FOXN3: variants seen among roughly 807,000 people sequenced by gnomAD.
The protein encoded by FOXN3 is forkhead box N3.
In FOXN3, 7 loss-of-function variants were observed where a neutral mutation model predicts 38.4. The observed-to-expected ratio is 0.18, with a 90% confidence interval of 0.10 to 0.34. The LOEUF (loss-of-function observed/expected upper bound fraction) is 0.34, where lower values mean the gene tolerates loss of function less well. FOXN3 is among the 10% of genes least tolerant of loss of function. FOXN3 has a pLI of 1.00. For missense variants in FOXN3, 456 were observed against 613.4 expected (o/e 0.74, Z 2.71); for synonymous variants, 230 against 242.2 (o/e 0.95, Z 0.47).
At chr14:89,383,491 A>G (rs993092016) in intron 2 of FOXN3, among the ~76,000 whole-genome samples, 1 of 152,218 alleles carries the variant, frequency 6.6e-6, no homozygotes, top group Non-Finnish European at 1.5e-5. Context: ...GGTGGCTTAA[A>G]TCAACAGAAA....
intron 2 of FOXN3, among the ~76,000 whole-genome samples, chr14:89,404,503 T>TAA (rs1246754293): frequency 1.1e-4 from 2 of 18,772 alleles, no homozygotes; most frequent in Admixed American, 1.2e-3. Flanking sequence ...AGACTCTGTC[T>TAA]CAAAAAAAAA....
intron 1 of FOXN3, among the ~76,000 whole-genome samples, chr14:89,443,793 TGAGGTCGG>T (rs1056387596): frequency 2.6e-5 from 4 of 152,020 alleles, no homozygotes; most frequent in Non-Finnish European, 4.4e-5. Flanking sequence ...GCGGGTCACC[TGAGGTCGG>T]GAGTTCAAGA....
rs1004467913 is a variant in FOXN3, at chr14:89,594,577, T to C, written c.-15+24451A>G. Among the ~76,000 whole-genome samples the C allele has an allele frequency of 9.2e-5, 14 of 152,260 alleles. No individual in the cohort carries two copies. In the South Asian group the frequency reaches 1.4e-3, roughly 16 times the overall value. On this transcript the variant is annotated intron_variant, in intron 1 of 6. Coordinates refer to the FOXN3 transcript ENST00000345097. Reference sequence around the variant, plus strand: ...ACGGGGCTATTTTGTTTTTCTTGAATTGATTTGTAGGAATTCTTTGCATAT... The same window carrying C: ...ACGGGGCTATTTTGTTTTTCTTGAACTGATTTGTAGGAATTCTTTGCATAT...
At chr14:89,328,529 C>T (rs1888144425) in intron 3 of FOXN3, among the ~76,000 whole-genome samples, 2 of 152,092 alleles carry the variant, frequency 1.3e-5, no homozygotes, top group African/African-American at 4.8e-5. Context: ...ACATTCCCAA[C>T]AGCAGCCCTG....
At chr14:89,521,652 T>C (rs766122555) in intron 1 of FOXN3, among the ~76,000 whole-genome samples, 1 of 152,028 alleles carries the variant, frequency 6.6e-6, no homozygotes, top group African/African-American at 2.4e-5. Flanking sequence ...ATTTTCATGT[T>C]TAAGAAACTC....
intron 1 of FOXN3, among the ~76,000 whole-genome samples, chr14:89,520,773 A>G (rs1403353032): frequency 2.0e-5 from 3 of 152,212 alleles, no homozygotes; most frequent in Non-Finnish European, 2.9e-5. Context: ...ATATAAAGAA[A>G]TAAGAAAATA....
At chr14:89,359,802 G>T (rs974372376) in intron 2 of FOXN3, among the ~76,000 whole-genome samples, 1 of 152,220 alleles carries the variant, frequency 6.6e-6, no homozygotes, top group Non-Finnish European at 1.5e-5. Flanking sequence ...CAGGGCAACA[G>T]CCTGACTTAG....
At chr14:89,225,093 C>T (rs1884590265) in intron 4 of FOXN3, among the ~76,000 whole-genome samples, 1 of 148,812 alleles carries the variant, frequency 6.7e-6, no homozygotes, top group South Asian at 2.1e-4. Context: ...TGTGCCACTG[C>T]ACTCCAGCCT....
chr14:89,312,103 G>T (rs1596174512), intron 3 of FOXN3, among the ~76,000 whole-genome samples: 1 of 151,692 alleles, frequency 6.6e-6, no homozygotes, highest in East Asian at 1.9e-4. Flanking sequence ...TGGCCAACAT[G>T]GTGAAACCCC....
At chr14:89,246,622 C>T (rs1885307940) in intron 4 of FOXN3, among the ~76,000 whole-genome samples, 2 of 145,702 alleles carry the variant, frequency 1.4e-5, no homozygotes, top group East Asian at 2.0e-4. Context: ...TCACTGCAAC[C>T]TCTGCCTCCT....
At chr14:89,521,026 T>G (rs1894305719) in intron 1 of FOXN3, among the ~76,000 whole-genome samples, 1 of 152,144 alleles carries the variant, frequency 6.6e-6, no homozygotes. Context: ...TTTAAGAGAA[T>G]GGTGAGGCTG....
In FOXN3 at chr14:89,158,684, A is replaced by C. The variant is rs901327780; in HGVS notation, c.*3730T>G. The C allele has an allele frequency of 6.6e-6, 1 of 152,620 alleles. No individual in the cohort carries two copies. The highest frequency in any genetic ancestry group is 2.4e-5 in the African/African-American group (1 of 41,446). 9.5% of individuals were successfully genotyped at this position (152,620 alleles called of 1,614,324 possible). A position where few individuals can be genotyped will look rare whatever the true frequency, so the allele number is the denominator to read the frequency against. ...TAGTACTAGATAAAGACAAAAGACA[A>C]TTATAATAGGATAAAAATAACTGTT... On this transcript the variant is annotated 3_prime_UTR_variant, in exon 6 of 6. Transcript: ENST00000557258.
chr14:89,415,456 C>A (rs558295143), intron 1 of FOXN3, among the ~76,000 whole-genome samples: 8 of 152,050 alleles, frequency 5.3e-5, no homozygotes, highest in Middle Eastern at 3.4e-3. Flanking sequence ...GAGTTCAGTA[C>A]CCTTGGATCA....
At chr14:89,190,649 T>A (rs189651289) in intron 4 of FOXN3, among the ~76,000 whole-genome samples, 1 of 152,164 alleles carries the variant, frequency 6.6e-6, no homozygotes, top group Non-Finnish European at 1.5e-5. Context: ...GATTTAAGGA[T>A]CATGTTAGTA....
At chr14:89,169,091 GA>G (rs1471180605) in intron 5 of FOXN3, among the ~76,000 whole-genome samples, 1 of 152,088 alleles carries the variant, frequency 6.6e-6, no homozygotes, top group East Asian at 1.9e-4. Flanking sequence ...TATATTTTAG[GA>G]AAGAGAAAAA....
intron 1 of FOXN3, among the ~76,000 whole-genome samples, chr14:89,555,837 T>TGG (rs1323774788): frequency 1.8e-5 from 1 of 56,374 alleles, no homozygotes; most frequent in South Asian, 5.9e-4. Flanking sequence ...TTCTAGTTCA[T>TGG]GGTGTGTGTG....
At chr14:89,306,604 T>C (rs1359540908) in intron 3 of FOXN3, among the ~76,000 whole-genome samples, 1 of 152,086 alleles carries the variant, frequency 6.6e-6, no homozygotes, top group Non-Finnish European at 1.5e-5. Context: ...CCTGAACTCG[T>C]GATCCGCCCG....
intron 1 of FOXN3, among the ~76,000 whole-genome samples, chr14:89,513,875 A>ATC (rs920438831): frequency 6.6e-6 from 1 of 151,078 alleles, no homozygotes; most frequent in Non-Finnish European, 1.5e-5. Flanking sequence ...CCAATTCTAA[A>ATC]TCTCTCTCTC....
At chr14:89,397,878 C>T (rs1036833977) in intron 2 of FOXN3, among the ~76,000 whole-genome samples, 1 of 152,212 alleles carries the variant, frequency 6.6e-6, no homozygotes, top group African/African-American at 2.4e-5. Flanking sequence ...CTCCAAACAG[C>T]ACCCAGCAGG....
Sources: gnomAD v4.1 joint callset for allele counts (sites outside exome capture counted in the v4.1 genomes callset) on GRCh38, gnomAD v4.1.1 for gene constraint, MANE v1.5 for transcripts, NCBI Gene and HGNC (gene_info 2026-07-23, HGNC 2026-07-21) for gene names.